The following BABAM2 variants were observed in gnomAD, a reference collection of about 807,000 sequenced individuals.
BABAM2 encodes the protein BRISC and BRCA1 A complex member 2.
Under a neutral mutation model 54.7 loss-of-function variants are expected in BABAM2, and 31 were observed. The observed-to-expected ratio is 0.57, with a 90% CI of 0.43 to 0.77. The LOEUF (loss-of-function observed/expected upper bound fraction) is 0.77. BABAM2 is among the 30% of genes least tolerant of loss of function. The probability of loss-of-function intolerance (pLI) is 0.00; values close to 1 mark genes in which losing one functional copy is unlikely to be tolerated. For synonymous variants in BABAM2, 167 were observed against 162.9 expected (o/e 1.03, Z -0.19); for missense variants, 364 against 455.8 (o/e 0.80, Z 1.83).
At chr2:28,157,436 T>C (rs1430703238) in intron 7 of BABAM2, among the ~76,000 whole-genome samples, 1 of 152,218 alleles carries the variant, frequency 6.6e-6, no homozygotes, top group East Asian at 1.9e-4. Context: ...CTAGCATATA[T>C]GAGACAACAG....
intron 2 of BABAM2, among the ~76,000 whole-genome samples, chr2:27,922,920 A>T (rs114604540): frequency 0.012 from 1,754 of 152,280 alleles, 41 homozygotes; most frequent in African/African-American, 0.04. Context: ...CATTCTATAA[A>T]TATAATTTTA....
chr2:27,991,198 C>T (rs1435684838), intron 4 of BABAM2, among the ~76,000 whole-genome samples: 1 of 152,078 alleles, frequency 6.6e-6, no homozygotes, highest in African/African-American at 2.4e-5. Context: ...TTTGGGGAGC[C>T]CAAGAACTTA....
chr2:27,974,099 G>A (rs1431519578), intron 3 of BABAM2, among the ~76,000 whole-genome samples: 1 of 152,080 alleles, frequency 6.6e-6, no homozygotes, highest in East Asian at 1.9e-4. Flanking sequence ...ATTATCTTGG[G>A]TGAATTCTAC....
intron 3 of BABAM2, among the ~76,000 whole-genome samples, chr2:27,982,016 CT>C (rs1558635131): frequency 6.6e-6 from 1 of 152,084 alleles, no homozygotes; most frequent in African/African-American, 2.4e-5. Context: ...TTCATAAACA[CT>C]TATTATTATA....
chr2:28,176,260 A>G (rs900923752), intron 7 of BABAM2, among the ~76,000 whole-genome samples: 5 of 152,112 alleles, frequency 3.3e-5, no homozygotes, highest in South Asian at 2.1e-4. Flanking sequence ...AGAAAAATAT[A>G]AAAGTAACGA....
chr2:28,087,253 A>G (rs998811523), intron 6 of BABAM2, among the ~76,000 whole-genome samples: 2 of 152,210 alleles, frequency 1.3e-5, no homozygotes, highest in East Asian at 3.9e-4. Context: ...TTCTGGTTTC[A>G]GCTCTGTGAT....
intron 4 of BABAM2, among the ~76,000 whole-genome samples, chr2:28,001,902 A>G (rs886990842): frequency 1.3e-5 from 2 of 152,140 alleles, no homozygotes; most frequent in African/African-American, 4.8e-5. Context: ...TTAGATTTCA[A>G]CATGAGATTT....
chr2:28,202,102 T>G lies in BABAM2; in HGVS notation c.681-35100T>G, dbSNP rs377262613. On this transcript the variant is annotated intron_variant, in intron 7 of 11. Coordinates refer to ENST00000379624, the MANE Select transcript of BABAM2 (RefSeq NM_199191.3). ...TCCCAGAACAATCTCTAGATGTAAT[T>G]CACACCTCTACTCTGATAAGGAGTG... is the stretch of plus-strand genomic sequence containing the variant. Among the ~76,000 whole-genome samples the G allele has an allele frequency of 1.7e-3, 260 of 152,262 alleles. 3 individuals carry two copies. The highest frequency in any genetic ancestry group is 6.0e-3 in the African/African-American group (251 of 41,546).
intron 7 of BABAM2, among the ~76,000 whole-genome samples, chr2:28,227,556 C>T (rs1680999728): frequency 6.6e-6 from 1 of 152,186 alleles, no homozygotes; most frequent in African/African-American, 2.4e-5. Context: ...GCAGAAACCA[C>T]CTTTTTTCTG....
intron 3 of BABAM2, among the ~76,000 whole-genome samples, chr2:27,960,343 G>A (rs1315038671): frequency 6.6e-6 from 1 of 152,132 alleles, no homozygotes; most frequent in Non-Finnish European, 1.5e-5. Flanking sequence ...ATTGCCCTTT[G>A]TGTGCAAGTT....
chr2:28,236,155 T>TA lies in BABAM2; in HGVS notation c.681-1046dup, dbSNP rs972301267. ...ATCCCATCATATTACAGAGAGGGTT[T>TA]AGGGGGCTTATAGAAGTATATGCAT... On this transcript the variant is annotated intron_variant, in intron 7 of 11. Transcript: ENST00000379624. Among the ~76,000 whole-genome samples the TA allele has an allele frequency of 3.1e-4, 47 of 152,216 alleles. 1 individual carries two copies. The highest frequency in any genetic ancestry group is 1.1e-3 in the African/African-American group (45 of 41,538).
intron 6 of BABAM2, among the ~76,000 whole-genome samples, chr2:28,063,235 G>A (rs1399073893): frequency 6.6e-6 from 1 of 152,164 alleles, no homozygotes; most frequent in Admixed American, 6.5e-5. Flanking sequence ...ATAAGAAGCT[G>A]TGTTTCTCAT....
chr2:28,168,886 A>T (rs1573738656), intron 7 of BABAM2, among the ~76,000 whole-genome samples: 1 of 152,292 alleles, frequency 6.6e-6, no homozygotes, highest in South Asian at 2.1e-4. Flanking sequence ...TAATTAATTC[A>T]ACCCAACTTC....
At chr2:28,285,770 A>G (rs1686742617) in intron 10 of BABAM2, among the ~76,000 whole-genome samples, 1 of 151,100 alleles carries the variant, frequency 6.6e-6, no homozygotes, top group African/African-American at 2.4e-5. Flanking sequence ...GGATCTTGCT[A>G]TGTTGCCCAG....
intron 10 of BABAM2, among the ~76,000 whole-genome samples, chr2:28,253,079 T>C (rs1257977210): frequency 2.0e-5 from 3 of 152,166 alleles, no homozygotes; most frequent in Non-Finnish European, 4.4e-5. Flanking sequence ...CTTCTGCTGT[T>C]GTTGAAAATA....
At chr2:28,331,250 A>T (rs1043177433) in intron 11 of BABAM2, among the ~76,000 whole-genome samples, 4 of 152,310 alleles carry the variant, frequency 2.6e-5, no homozygotes, top group Middle Eastern at 3.4e-3. Flanking sequence ...CCACTCAGGA[A>T]ATAGGCACAG....
chr2:27,912,876 A>C (rs1300647454), intron 2 of BABAM2, among the ~76,000 whole-genome samples: 4 of 152,198 alleles, frequency 2.6e-5, no homozygotes, highest in African/African-American at 9.6e-5. Flanking sequence ...TGGGCAGTGA[A>C]CTATATTGAT....
intron 7 of BABAM2, among the ~76,000 whole-genome samples, chr2:28,143,639 A>G (rs1205559970): frequency 6.6e-6 from 1 of 152,232 alleles, no homozygotes; most frequent in African/African-American, 2.4e-5. Flanking sequence ...AAAAAATGAA[A>G]AAACCTAAAC....
chr2:27,920,556 G>T (rs150011895), intron 2 of BABAM2, among the ~76,000 whole-genome samples: 1 of 152,108 alleles, frequency 6.6e-6, no homozygotes, highest in African/African-American at 2.4e-5. Context: ...TTTAAAAGGT[G>T]GTTATTGATC....
Sources: allele counts gnomAD v4.1 joint callset (sites outside exome capture counted in the v4.1 genomes callset), GRCh38; gene constraint gnomAD v4.1.1; transcripts MANE v1.5; gene names NCBI Gene and HGNC (gene_info 2026-07-23, HGNC 2026-07-21).